The following KCNAB1 variants were observed in gnomAD, a reference collection of about 807,000 sequenced individuals.
KCNAB1 encodes voltage-gated potassium channel subunit beta-1.
A neutral mutation model predicts 64.6 loss-of-function variants in KCNAB1; 35 were observed. The ratio of observed to expected loss-of-function variants is 0.54; its 90% confidence interval spans 0.41 to 0.72. The LOEUF is 0.72. KCNAB1 is among the 30% of genes least tolerant of loss of function. KCNAB1 has a pLI of 0.00. For missense variants in KCNAB1, 401 were observed against 512.9 expected (o/e 0.78, Z 2.11); for synonymous variants, 177 against 183.8 (o/e 0.96, Z 0.30).
At chr3:156,337,380 T>C (rs1723784135) in intron 1 of KCNAB1, among the ~76,000 whole-genome samples, 1 of 152,186 alleles carries the variant, frequency 6.6e-6, no homozygotes, top group African/African-American at 2.4e-5. Flanking sequence ...TCATGTTCTT[T>C]TTTCCCCCCA....
intron 1 of KCNAB1, among the ~76,000 whole-genome samples, chr3:156,338,386 C>T (rs1027783833): frequency 7.3e-6 from 1 of 136,756 alleles, no homozygotes; most frequent in Non-Finnish European, 1.5e-5. Flanking sequence ...TCTCAGCTCA[C>T]CGCAACCTCC....
chr3:156,159,509 T>A (rs1715950592), intron 1 of KCNAB1, among the ~76,000 whole-genome samples: 1 of 152,154 alleles, frequency 6.6e-6, no homozygotes, highest in Admixed American at 6.5e-5. Flanking sequence ...TGCCCATTGT[T>A]CCAATAAATA....
In KCNAB1 at chr3:156,235,857, A is replaced by G. The variant is rs531857764; in HGVS notation, c.275+114971A>G. Among the ~76,000 whole-genome samples, 11 of 152,238 alleles carry G rather than the reference A, an allele frequency of 7.2e-5. No homozygotes were observed. The South Asian group carries it at 8.3e-4, about 12-fold the overall frequency. On this transcript the variant is annotated intron_variant, in intron 1 of 13. Transcript: ENST00000490337. The stretch of plus-strand genomic sequence containing the variant: ...AAATTCCTGGGTCCTTCCCCAAACT[A>G]CAGAATCAGAGTCTCTGAAGGTGGG...
At chr3:156,187,069 G>A (rs1456622401) in intron 1 of KCNAB1, among the ~76,000 whole-genome samples, 4 of 152,108 alleles carry the variant, frequency 2.6e-5, no homozygotes, top group African/African-American at 9.7e-5. Flanking sequence ...GCCCAGGCTG[G>A]TCTAGAATTC....
Position 156,224,543 on chromosome 3 carries a change from A to T in KCNAB1, c.275+103657A>T, listed in dbSNP as rs1270593636. Among the ~76,000 whole-genome samples, 5 of 152,238 alleles carry T rather than the reference A, an allele frequency of 3.3e-5. No homozygotes were observed. In the East Asian group the frequency reaches 9.6e-4, roughly 29 times the overall value. Reference sequence around the variant, plus strand: ...AGAAACAAGGACAATTCAAACCCAAACCCAGCAGAAGAAAAGAAATAATGA... The same window carrying T: ...AGAAACAAGGACAATTCAAACCCAATCCCAGCAGAAGAAAAGAAATAATGA... On this transcript the variant is annotated intron_variant, in intron 1 of 13. Coordinates refer to ENST00000490337, the MANE Select transcript of KCNAB1 (RefSeq NM_172160.3).
intron 2 of KCNAB1, among the ~76,000 whole-genome samples, chr3:156,424,028 G>T (rs767288912): frequency 6.6e-6 from 1 of 152,186 alleles, no homozygotes; most frequent in African/African-American, 2.4e-5. Flanking sequence ...CATAGTCTAT[G>T]GTGTGTCCAT....
chr3:156,519,662 A>G (rs1371282537), intron 11 of KCNAB1, among the ~76,000 whole-genome samples: 2 of 152,338 alleles, frequency 1.3e-5, no homozygotes, highest in Admixed American at 6.5e-5. Context: ...GAGTGGCCTC[A>G]GCAATGACTG....
intron 2 of KCNAB1, among the ~76,000 whole-genome samples, chr3:156,423,086 T>C (rs936013630): frequency 6.6e-6 from 1 of 152,104 alleles, no homozygotes; most frequent in African/African-American, 2.4e-5. Flanking sequence ...TAAAGCATAA[T>C]TGGAATGGTC....
At chr3:156,438,325 G>C (rs1401947629) in intron 2 of KCNAB1, among the ~76,000 whole-genome samples, 1 of 151,388 alleles carries the variant, frequency 6.6e-6, no homozygotes, top group African/African-American at 2.4e-5. Context: ...AATGCAAGAA[G>C]CAAGGGGCAG....
chr3:156,274,290 C>T (rs939074819), intron 1 of KCNAB1, among the ~76,000 whole-genome samples: 37 of 152,188 alleles, frequency 2.4e-4, no homozygotes, highest in Non-Finnish European at 1.3e-4. Flanking sequence ...TACTTAATGA[C>T]ATTTTCTCCT....
At chr3:156,166,805 A>T (rs899765713) in intron 1 of KCNAB1, among the ~76,000 whole-genome samples, 1 of 152,224 alleles carries the variant, frequency 6.6e-6, no homozygotes, top group African/African-American at 2.4e-5. Context: ...AAGGGATTGT[A>T]TTCCATTTAA....
intron 1 of KCNAB1, among the ~76,000 whole-genome samples, chr3:156,224,316 C>T (rs1576622432): frequency 6.6e-6 from 1 of 152,372 alleles, no homozygotes; most frequent in East Asian, 1.9e-4. Context: ...CCCACCACAC[C>T]TCCCTGCAAG....
chr3:156,238,157 C>T (rs765671547), intron 1 of KCNAB1, among the ~76,000 whole-genome samples: 10 of 152,158 alleles, frequency 6.6e-5, no homozygotes, highest in Non-Finnish European at 1.3e-4. Context: ...GGCGTGGTGG[C>T]TCACGCCTGT....
In KCNAB1 at chr3:156,457,520, A is replaced by G. The variant is rs1166159900; in HGVS notation, c.425A>G (p.Tyr142Cys). The change falls in exon 4 of 14, where the codon TAT (tyrosine) becomes TGT (cysteine). Residue 142 changes from tyrosine (Y) to cysteine (C), a missense_variant. By Grantham distance (194) the Tyr-to-Cys change is radical. Coordinates refer to ENST00000490337, the MANE Select transcript of KCNAB1 (RefSeq NM_172160.3). ...GVNLFDTAEV[Y>C]AAGKAEVILG... ...AACCTCTTTGATACTGCCGAAGTCT[A>G]TGCTGCTGGAAAGTAAGTCAGTACC... 6 of 1,613,818 alleles carry G rather than the reference A, an allele frequency of 3.7e-6. No individual in the cohort carries two copies. The highest frequency in any genetic ancestry group is 2.2e-5 in the South Asian group (2 of 91,076).
chr3:156,291,533 G>T (rs1720420809), intron 1 of KCNAB1: 1 of 1,101,268 alleles, frequency 9.1e-7, no homozygotes, highest in African/African-American at 1.6e-5. Flanking sequence ...AGGGCTGCGT[G>T]CAGTCACCAT....
intron 2 of KCNAB1, chr3:156,446,830 C>T (rs1711600760): frequency 6.6e-6 from 1 of 152,290 alleles, no homozygotes; most frequent in South Asian, 2.1e-4. Flanking sequence ...ATGTTTCAGC[C>T]TCGCCTCTGC....
At chr3:156,437,185 G>A (rs559020820) in intron 2 of KCNAB1, among the ~76,000 whole-genome samples, 149 of 152,274 alleles carry the variant, frequency 9.8e-4, no homozygotes, top group African/African-American at 3.4e-3. Flanking sequence ...TATTCAGGGG[G>A]ATTAGTGGCT....
chr3:156,465,760 C>A, intron 7 of KCNAB1, 74 bp downstream of exon 7: 2 of 1,216,032 alleles, frequency 1.6e-6, no homozygotes, highest in South Asian at 1.2e-5. Context: ...CAAACAAATT[C>A]AGAACACACT....
Position 156,230,183 on chromosome 3 carries a change from A to G in KCNAB1, c.275+109297A>G, listed in dbSNP as rs1309485561. On this transcript the variant is annotated intron_variant, in intron 1 of 13. Transcript: ENST00000490337. ...GTGTTCATTTATCTATTCATTTAAC[A>G]ATACAGTCATGTACCACATAATGAC... Among the ~76,000 whole-genome samples, 4 of 152,226 alleles carry G rather than the reference A, an allele frequency of 2.6e-5. No individual in the cohort carries two copies. The South Asian group carries it at 8.3e-4, about 32-fold the overall frequency.
Sources: allele counts gnomAD v4.1 joint callset (sites outside exome capture counted in the v4.1 genomes callset), GRCh38; gene constraint gnomAD v4.1.1; transcripts MANE v1.5; gene names NCBI Gene and HGNC (gene_info 2026-07-23, HGNC 2026-07-21).